ZNF768: variants seen among roughly 807,000 people sequenced by gnomAD.
ZNF768 encodes the protein zinc finger protein 768.
ZNF768 carries 12 observed loss-of-function variants against 39.7 expected under a neutral mutation model. That is an observed-to-expected ratio of 0.30 (90% confidence interval 0.19 to 0.49). ZNF768 has a LOEUF of 0.49. ZNF768 is among the 20% of genes least tolerant of loss of function. The pLI is 0.99. For missense variants in ZNF768, 613 were observed against 723.2 expected, an observed-to-expected ratio of 0.85 and a Z score of 1.75; for synonymous variants, 360 against 288.4, an observed-to-expected ratio of 1.25 and a Z score of -2.52.
chr16:30,525,558 G>A lies in ZNF768; in HGVS notation c.582C>T (p.Pro194=), dbSNP rs201954518. ...SPLNISVGVH[P]LDSFTQGFGE... is the part of the protein sequence containing the mutation. ...CAAACCCCTGAGTGAAGGAGTCCAG[G>A]GGGTGAACTCCTACGGAGATATTCA... is the stretch of plus-strand genomic sequence containing the variant. The change falls in exon 2 of 2, where the codon CCC becomes CCT. Residue 194 remains proline (P), a synonymous_variant. Coordinates refer to ENST00000380412, the MANE Select transcript of ZNF768 (RefSeq NM_024671.4). 2 of 1,614,244 alleles carry A rather than the reference G, an allele frequency of 1.2e-6. No individual in the cohort carries two copies. The highest frequency in any genetic ancestry group is 1.7e-6 in the Non-Finnish European group (2 of 1,180,032).
chr16:30,525,792 G>A lies in ZNF768; in HGVS notation c.348C>T (p.Ser116=). The part of the protein sequence containing the change: ...ESDSQSPEFE[S]QSPRYEPQSP... Reference sequence around the variant, plus strand: ...TTTGGGGTTCATACCTAGGGCTCTGGGATTCAAACTCAGGGCTCTGAGAAT... The same window carrying A: ...TTTGGGGTTCATACCTAGGGCTCTGAGATTCAAACTCAGGGCTCTGAGAAT... Residue 116 remains serine (S), a synonymous_variant, in exon 2 of 2, where the codon TCC becomes TCT. Transcript: ENST00000380412. 6.4e-7 allele frequency: 1 copy of A among 1,559,882 alleles called. No homozygotes were observed. Among genetic ancestry groups the A allele is most frequent in the Non-Finnish European group, 8.6e-7 (1 of 1,157,884 alleles).
the ZNF768 span, chr16:30,532,429 C>T: frequency 1.3e-6 from 2 of 1,518,918 alleles, no homozygotes; most frequent in Non-Finnish European, 1.8e-6. Context: ...CTGCAGGCCG[C>T]TGCAGAGGTT....
upstream of ZNF768, chr16:30,526,722 GCTCC>G: frequency 4.1e-5 from 14 of 345,238 alleles, no homozygotes; most frequent in East Asian, 2.2e-4. Context: ...CCCGGCCCCC[GCTCC>G]CGCCCGAGCC....
In ZNF768 at chr16:30,524,684, T is replaced by C. The variant is rs1480121475; in HGVS notation, c.1456A>G (p.Arg486Gly). ...QRSHTGERPY[R>G]CAVCGKGFCR... The stretch of plus-strand genomic sequence containing the variant: ...AAGCCCTTGCCGCACACGGCGCACC[T>C]GTAGGGCCGCTCGCCCGTGTGGGAG... The change falls in exon 2 of 2, where the codon AGG becomes GGG. Residue 486 changes from arginine to glycine, a missense_variant. Coordinates refer to ENST00000380412, the MANE Select transcript of ZNF768 (RefSeq NM_024671.4). The C allele has an allele frequency of 3.7e-6, 6 of 1,612,966 alleles. No individual in the cohort carries two copies. The highest frequency in any genetic ancestry group is 2.7e-5 in the African/African-American group (2 of 74,918).
chr16:30,532,225 C>A, the ZNF768 span: 1 of 567,150 alleles, frequency 1.8e-6, no homozygotes, highest in South Asian at 2.2e-5. Flanking sequence ...CTTAGCATCT[C>A]TGGGAGGAGA....
chr16:30,530,497 T>TGA (rs1339293302), upstream of ZNF768: 1 of 152,294 alleles, frequency 6.6e-6, no homozygotes, highest in African/African-American at 2.4e-5. This position sits in a 1 kb window ranked among gnomAD's most constrained non-coding sequence, Gnocchi z 4.4. Flanking sequence ...GGGAGGGGAC[T>TGA]GAGATGTACA....
upstream of ZNF768, chr16:30,527,999 A>C (rs1597119949): frequency 6.6e-6 from 1 of 152,280 alleles, no homozygotes; most frequent in East Asian, 1.9e-4. Flanking sequence ...GAGCCTGGAC[A>C]GACAACTTAA....
rs768289887 is a variant in ZNF768, at chr16:30,526,425, C to G, written c.-12G>C. On this transcript the variant is annotated 5_prime_UTR_variant, in exon 1 of 2. Transcript: ENST00000380412. ...GCCTCCCGCTCCATCCCCGCGGGCT[C>G]CCAGTGCAGCGGCGGCGGCGATGGC... The G allele has an allele frequency of 3.8e-6, 6 of 1,566,840 alleles. No homozygotes were observed. In the Admixed American group the frequency reaches 1.1e-4, roughly 29 times the overall value.
Position 30,525,693 on chromosome 16 carries a change from A to T in ZNF768, c.447T>A (p.Tyr149Ter), listed in dbSNP as rs747482170. The change falls in exon 2 of 2, where the codon TAT (tyrosine) becomes TAA (stop). Residue 149 changes from tyrosine (Y) to a stop codon, truncating the protein, a stop_gained. Coordinates refer to ENST00000380412, the MANE Select transcript of ZNF768 (RefSeq NM_024671.4). LOFTEE classifies it high-confidence loss of function. ...TTTTGAGCTCAGTGTTCTGGGATTCATATCTAGAGCTCTCAGATTCATAGC... is the reference window on the plus strand; with the variant it reads ...TTTTGAGCTCAGTGTTCTGGGATTCTTATCTAGAGCTCTCAGATTCATAGC... Reference protein sequence around the residue: ...SPGYESESSRYESQNTELKTQ... With the variant: ...SPGYESESSR 6.2e-7 allele frequency: 1 copy of T among 1,614,080 alleles called. No homozygotes were observed. Among genetic ancestry groups the T allele is most frequent in the Non-Finnish European group, 8.5e-7 (1 of 1,179,986 alleles).
Position 30,526,281 on chromosome 16 carries a change from C to A in ZNF768, c.88+45G>T, listed in dbSNP as rs530427710. 5.5e-5 allele frequency: 89 copies of A among 1,605,520 alleles called. 2 individuals carry two copies. The South Asian group carries it at 9.6e-4, about 17-fold the overall frequency. ...TCCCTCCCTGGAGCCACAGCCCCTTCTCCTGCGCGCAAGTCCACTCCTCGG... is the reference window on the plus strand; with the variant it reads ...TCCCTCCCTGGAGCCACAGCCCCTTATCCTGCGCGCAAGTCCACTCCTCGG... On this transcript the variant is annotated intron_variant, in intron 1 of 1. Transcript: ENST00000380412.
rs764108997 is a variant in ZNF768 at position 30,525,081 on chromosome 16, G to C, written c.1059C>G (p.Ala353=). 16 of 1,614,192 alleles carry C rather than the reference G, an allele frequency of 9.9e-6. No homozygotes were observed. The highest frequency in any genetic ancestry group is 1.4e-5 in the Non-Finnish European group (16 of 1,180,008). ...KPYKCPHCGK[A]FGDSSYLLRH... ...GCAGGAGGTAGGAGCTGTCGCCGAA[G>C]GCCTTGCCACAATGTGGGCACTTGT... is the stretch of plus-strand genomic sequence containing the variant. Residue 353 remains alanine (A), a synonymous_variant, in exon 2 of 2, where the codon GCC becomes GCG. Transcript: ENST00000380412.
chr16:30,524,949 A>T lies in ZNF768; in HGVS notation c.1191T>A (p.Gly397=), dbSNP rs779437419. ...AGATGCCACAGCTGAAGGGCCTCTG[A>T]CCGGTGTGCACCCTCTGATGGCTGC... The part of the protein sequence containing the change: ...SLRSHQRVHT[G]QRPFSCGICG... The change falls in exon 2 of 2, where the codon GGT becomes GGA. Residue 397 remains glycine (G), a synonymous_variant. Coordinates refer to ENST00000380412, the MANE Select transcript of ZNF768 (RefSeq NM_024671.4). 5 of 1,610,446 alleles carry T rather than the reference A, an allele frequency of 3.1e-6. No individual in the cohort carries two copies. The highest frequency in any genetic ancestry group is 4.2e-6 in the Non-Finnish European group (5 of 1,179,058).
In ZNF768 at chr16:30,525,449, T is replaced by C; in HGVS notation, c.691A>G (p.Met231Val). 6.2e-7 allele frequency: 1 copy of C among 1,614,104 alleles called. No individual in the cohort carries two copies. The highest frequency in any genetic ancestry group is 8.5e-7 in the Non-Finnish European group (1 of 1,180,036). Residue 231 changes from methionine to valine, a missense_variant, in exon 2 of 2, where the codon ATG becomes GTG. This residue lies in a region of ZNF768 where 347 missense variants were observed against 326.1 expected (regional missense o/e 1.06). Coordinates refer to ENST00000380412, the MANE Select transcript of ZNF768 (RefSeq NM_024671.4). ...GTGAGACCCAGGGGATTCTGAAGCA[T>C]CTCAAACTGCGGTGTAGACAGCAGG... ...GALLSTPQFE[M>V]LQNPLGLTGA...
At chr16:30,527,070 C>CG, upstream of ZNF768, 2 of 985,416 alleles carry the variant, frequency 2.0e-6, no homozygotes, top group Non-Finnish European at 2.4e-6. Flanking sequence ...TGGCCAAGGG[C>CG]GAGGCGACAA....
Position 30,524,730 on chromosome 16 carries a change from G to A in ZNF768, c.1410C>T (p.Ser470=). Residue 470 remains serine (S), a synonymous_variant, in exon 2 of 2, where the codon TCC becomes TCT. Transcript: ENST00000380412. ...GGGAGCGCTGGTGCTGGATGAGAGT[G>A]GAGGAGCGATTGAAGGTCTTGCCGC... ...PDCGKTFNRS[S]TLIQHQRSHT... 6.2e-7 allele frequency: 1 copy of A among 1,604,216 alleles called. No homozygotes were observed. The highest frequency in any genetic ancestry group is 8.5e-7 in the Non-Finnish European group (1 of 1,176,358).
At position 30,524,776 on chromosome 16, in the gene ZNF768, C is replaced by T. The variant is rs1286063039; in HGVS notation, c.1364G>A (p.Arg455His). 3.1e-6 allele frequency: 5 copies of T among 1,611,538 alleles called. No homozygotes were observed. Among genetic ancestry groups the T allele is most frequent in the Non-Finnish European group, 3.4e-6 (4 of 1,179,504 alleles). ...GCCGCAGTCGGGGCAGCTGTAGGTG[C>T]GGCCTGGCAGGTGGGTGCGGGCGTG... ...AIHARTHLPG[R>H]TYSCPDCGKT... The change falls in exon 2 of 2, where the codon CGC becomes CAC. Residue 455 changes from arginine to histidine, a missense_variant. Transcript: ENST00000380412.
the ZNF768 span, chr16:30,532,295 C>T: frequency 4.7e-6 from 3 of 638,478 alleles, no homozygotes; most frequent in Admixed American, 2.9e-5. Context: ...CCTGCCTCAG[C>T]AAAGGGGGCC....
In ZNF768 at chr16:30,525,439, T is replaced by C. The variant is rs753224952; in HGVS notation, c.701A>G (p.Asn234Ser). Reference sequence around the variant, plus strand: ...AAGGGCTCCTGTGAGACCCAGGGGATTCTGAAGCATCTCAAACTGCGGTGT... The same window carrying C: ...AAGGGCTCCTGTGAGACCCAGGGGACTCTGAAGCATCTCAAACTGCGGTGT... ...LSTPQFEMLQ[N>S]PLGLTGALRG... Residue 234 changes from asparagine to serine, a missense_variant, in exon 2 of 2, where the codon AAT becomes AGT. Transcript: ENST00000380412. 6.2e-7 allele frequency: 1 copy of C among 1,614,098 alleles called. No homozygotes were observed. The highest frequency in any genetic ancestry group is 8.5e-7 in the Non-Finnish European group (1 of 1,180,038).
At chr16:30,526,594 GCCCCTCCCCTGCCCGCGGCCCCGC>G (rs1297088493), upstream of ZNF768, 1 of 1,018,942 alleles carries the variant, frequency 9.8e-7, no homozygotes, top group Non-Finnish European at 1.2e-6. Context: ...AGCGCGCCGG[GCCCCTCCCCTGCCCGCGGCCCCGC>G]CCCCTCCCAA....
Sources: allele counts gnomAD v4.1 joint callset, GRCh38; gene constraint gnomAD v4.1.1; regional missense constraint gnomAD v4.1.1; non-coding constraint Gnocchi (gnomAD v3.1); transcripts MANE v1.5; gene names NCBI Gene and HGNC (gene_info 2026-07-23, HGNC 2026-07-21).